The following KMT2A variants were observed in gnomAD, a reference collection of about 807,000 sequenced individuals.
KMT2A encodes the protein lysine methyltransferase 2A.
A neutral mutation model predicts 345.3 loss-of-function variants in KMT2A; 16 were observed. That is an observed-to-expected ratio of 0.05 (90% CI 0.03 to 0.07). The LOEUF is 0.07. KMT2A is among the 10% of genes least tolerant of loss of function. The probability of loss-of-function intolerance (pLI) is 1.00; values close to 1 mark genes in which losing one functional copy is unlikely to be tolerated. For synonymous variants in KMT2A, 1,599 were observed against 1,778.6 expected (o/e 0.90, Z 2.54); for missense variants, 3,272 against 4,841.6 (o/e 0.68, Z 9.62).
chr11:118,447,805 G>A (rs1292595169), intron 1 of KMT2A: 1 of 241,668 alleles, frequency 4.1e-6, no homozygotes, highest in Non-Finnish European at 8.6e-6. Flanking sequence ...GTAACCAGCG[G>A]TTTCCCAGCT....
chr11:118,471,517 A>G (rs1169076560), intron 2 of KMT2A, 145 bp from the exon 3 acceptor site: 4 of 448,210 alleles, frequency 8.9e-6, no homozygotes, highest in African/African-American at 6.1e-5. Context: ...AAAAGAAACT[A>G]AGCACAATTA....
intron 1 of KMT2A, chr11:118,458,318 G>A (rs1312147168): frequency 5.5e-6 from 1 of 182,744 alleles, no homozygotes; most frequent in African/African-American, 2.4e-5. Context: ...ACAACTCCTG[G>A]GCTCAAGCCA....
At chr11:118,456,200 A>G (rs1212027344) in intron 1 of KMT2A, among the ~76,000 whole-genome samples, 1 of 152,034 alleles carries the variant, frequency 6.6e-6, no homozygotes, top group Non-Finnish European at 1.5e-5. Flanking sequence ...TCAGAGCTGC[A>G]TTCTTTAAAA....
At chr11:118,488,787 G>C (rs1277668002) in intron 11 of KMT2A, 27 bp downstream of exon 11, 1 of 1,610,852 alleles carries the variant, frequency 6.2e-7, no homozygotes, top group African/African-American at 1.3e-5. Flanking sequence ...TAGAACTACA[G>C]CTGGGCCTCT....
Position 118,491,923 on chromosome 11 carries a change from C to T in KMT2A, c.4999C>T (p.Arg1667Trp), listed in dbSNP as rs1555042614. 6 of 1,611,812 alleles carry T rather than the reference C, an allele frequency of 3.7e-6. No homozygotes were observed. Among genetic ancestry groups the T allele is most frequent in the Non-Finnish European group, 5.1e-6 (6 of 1,178,824 alleles). Residue 1667 changes from arginine (R) to tryptophan (W), a missense_variant, in exon 15 of 36, where the codon CGG becomes TGG. This residue lies in a region of KMT2A where 66 missense variants were observed against 80.1 expected (regional missense o/e 0.82). Transcript: ENST00000534358. The surrounding 1 kb of genome is among the most constrained non-coding windows in gnomAD (Gnocchi z 4.2). Reference protein sequence around the residue: ...SRTTSHLLRYRQAAKPPDLNP... With the variant: ...SRTTSHLLRYWQAAKPPDLNP... ...GACTACCAGCCATTTGCTACGCTAC[C>T]GGCAGGTAGGCCAAGTCTCATTTTT...
At chr11:118,492,691 A>T (rs1950345190) in intron 15 of KMT2A, among the ~76,000 whole-genome samples, 1 of 152,184 alleles carries the variant, frequency 6.6e-6, no homozygotes. Flanking sequence ...AACAAAAAAA[A>T]GAAGAAGAAC....
In KMT2A at chr11:118,481,791, G is replaced by A. The variant is rs782785261; in HGVS notation, c.3711G>A (p.Val1237=). The change falls in exon 7 of 36, where the codon GTG becomes GTA. Residue 1237 remains valine (V), a synonymous_variant. Coordinates refer to ENST00000534358, the MANE Select transcript of KMT2A (RefSeq NM_001197104.2). Reference sequence around the variant, plus strand: ...AAGAGAGCAGTGTTGTGAAGAACGTGGTGGACTCTAGTCAGAAACCTACCC... The same window carrying A: ...AAGAGAGCAGTGTTGTGAAGAACGTAGTGGACTCTAGTCAGAAACCTACCC... ...DSKESSVVKN[V]VDSSQKPTPS... 9 of 1,614,182 alleles carry A rather than the reference G, an allele frequency of 5.6e-6. No homozygotes were observed. The South Asian group carries it at 9.9e-5, about 18-fold the overall frequency.
chr11:118,510,490 C>T lies in KMT2A; in HGVS notation c.11071+372C>T, dbSNP rs1950664552. 6.6e-6 allele frequency among the ~76,000 whole-genome samples: 1 copy of T among 152,096 alleles called. No homozygotes were observed. On this transcript the variant is annotated intron_variant, in intron 30 of 35. Coordinates refer to ENST00000534358, the MANE Select transcript of KMT2A (RefSeq NM_001197104.2). This position sits in a 1 kb window ranked among gnomAD's most constrained non-coding sequence, Gnocchi z 4.1. ...CTGCCTGGAGTTCTCTCCCTGCCCT[C>T]AATCACCTGGTGAGCTCCAGCTCAC...
chr11:118,474,064 C>G lies in KMT2A; in HGVS notation c.2905C>G (p.Leu969Val), dbSNP rs864309568. ...ACTTATAAAGAAAGGGAGAGGAAAT[C>G]TGGAAAAAACCAACTTGGACCTCGG... ...KILIKKGRGNLEKTNLDLGPT... is the reference protein window; with the variant it reads ...KILIKKGRGNVEKTNLDLGPT... The change falls in exon 3 of 36, where the codon CTG becomes GTG. Residue 969 changes from leucine (L) to valine (V), a missense_variant. Physicochemically the swap from Leu to Val is conservative, Grantham distance 32 (BLOSUM62 1). Transcript: ENST00000534358. The G allele has an allele frequency of 1.2e-6, 2 of 1,613,730 alleles. No individual in the cohort carries two copies. The highest frequency in any genetic ancestry group is 1.1e-5 in the South Asian group (1 of 91,074).
At chr11:118,506,701 T>C in intron 27 of KMT2A, 55 bp downstream of exon 27, 1 of 1,497,748 alleles carries the variant, frequency 6.7e-7, no homozygotes, top group East Asian at 2.3e-5. Flanking sequence ...TGTTGTAAAT[T>C]AGGGGCTGTT....
intron 6 of KMT2A, 63 bp downstream of exon 6, chr11:118,480,301 C>A: frequency 8.1e-7 from 1 of 1,234,772 alleles, no homozygotes; most frequent in Non-Finnish European, 1.2e-6. Context: ...TAGTTGTATA[C>A]ACCCAGTAGA....
At chr11:118,485,427 G>A (rs1950210764) in intron 10 of KMT2A, among the ~76,000 whole-genome samples, 1 of 152,144 alleles carries the variant, frequency 6.6e-6, no homozygotes. Context: ...ATAAATACAT[G>A]TTGGGTGGCA....
In KMT2A at chr11:118,471,979, A is replaced by G. The variant is rs1949950464; in HGVS notation, c.820A>G (p.Arg274Gly). The G allele has an allele frequency of 6.2e-7, 1 of 1,614,046 alleles. No homozygotes were observed. The highest frequency in any genetic ancestry group is 8.5e-7 in the Non-Finnish European group (1 of 1,180,044). The change falls in exon 3 of 36, where the codon AGA becomes GGA. Residue 274 changes from arginine (R) to glycine (G), a missense_variant. This residue lies in a region of KMT2A where 412 missense variants were observed against 511.0 expected (regional missense o/e 0.81). Coordinates refer to ENST00000534358, the MANE Select transcript of KMT2A (RefSeq NM_001197104.2). ...GCAAGCCACAAAGATTAAAAAATTA[A>G]GAGCAGGTAAACTCTCTCCTCTCAA... The part of the protein sequence containing the change: ...FQQATKIKKL[R>G]AGKLSPLKSK...
chr11:118,520,467 A>G lies in KMT2A; in HGVS notation c.11430-335A>G, dbSNP rs1298093016. The G allele has an allele frequency of 3.2e-5, 11 of 345,212 alleles. 1 individual carries two copies. The East Asian group carries it at 5.7e-4, about 18-fold the overall frequency. The allele number at this position is 345,212 out of a possible 1,614,324, so 21.4% of individuals were successfully genotyped here. A position where few individuals can be genotyped will look rare whatever the true frequency, so the allele number is the denominator to read the frequency against. ...GGAGTTCGAGACCAGCCTGACCAAC[A>G]TAGTGAAACCCTATCTCTACTAAAA... On this transcript the variant is annotated intron_variant, in intron 33 of 35. Transcript: ENST00000534358. The surrounding 1 kb of genome is among the most constrained non-coding windows in gnomAD (Gnocchi z 4.3).
Position 118,504,959 on chromosome 11 carries a change from C to A in KMT2A, c.9067C>A (p.Gln3023Lys), listed in dbSNP as rs1950556226. Residue 3023 changes from glutamine to lysine, a missense_variant, in exon 27 of 36, where the codon CAG (glutamine) becomes AAG (lysine). Gln to Lys is a moderately conservative substitution (Grantham distance 53). Transcript: ENST00000534358. This position sits in a 1 kb window ranked among gnomAD's most constrained non-coding sequence, Gnocchi z 6.4. ...GSVEQGHGNN[Q>K]DLTRNSSTPG... ...AGTAGAGCAAGGTCATGGCAACAATCAGGATTTAACTAGGAACAGTAGCAC... is the reference window on the plus strand; with the variant it reads ...AGTAGAGCAAGGTCATGGCAACAATAAGGATTTAACTAGGAACAGTAGCAC... 6.2e-7 allele frequency: 1 copy of A among 1,614,064 alleles called. No homozygotes were observed.
rs140033934 is a variant in KMT2A, at chr11:118,488,670, C to A, written c.4389C>A (p.Asn1463Lys). The A allele has an allele frequency of 1.2e-6, 2 of 1,614,002 alleles. No individual in the cohort carries two copies. The highest frequency in any genetic ancestry group is 2.7e-5 in the African/African-American group (2 of 74,910). Residue 1463 changes from asparagine to lysine, a missense_variant, in exon 11 of 36, where the codon AAC becomes AAA. Asn to Lys is a moderately conservative substitution (Grantham distance 94). Transcript: ENST00000534358. ...EPFHKFCLEE[N>K]ERPLEDQLEN... The stretch of plus-strand genomic sequence containing the variant: ...TCCACAAGTTTTGTTTAGAGGAGAA[C>A]GAGCGCCCTCTGGAGGACCAGCTGG...
At chr11:118,440,507 CT>C (rs1258569245) in intron 1 of KMT2A, among the ~76,000 whole-genome samples, 1 of 152,160 alleles carries the variant, frequency 6.6e-6, no homozygotes, top group East Asian at 1.9e-4. Flanking sequence ...TAATAAACCC[CT>C]GAAACAGTGT....
In KMT2A at chr11:118,506,599, A is replaced by G. The variant is rs782728957; in HGVS notation, c.10707A>G (p.Glu3569=). The G allele has an allele frequency of 2.5e-6, 4 of 1,613,648 alleles. No homozygotes were observed. The South Asian group carries it at 3.3e-5, about 13-fold the overall frequency. Residue 3569 remains glutamate, a synonymous_variant, in exon 27 of 36, where the codon GAA becomes GAG. Transcript: ENST00000534358. ...KVSHLRTSSS[E]AHIPDQETTS... ...CCCATTTGCGGACCAGTTCTTCTGA[A>G]GCACACATTCCAGACCAAGAAACGA...
chr11:118,501,921 T>TA (rs1555045872), intron 26 of KMT2A, 64 bp downstream of exon 26: 201 of 1,335,642 alleles, frequency 1.5e-4, no homozygotes, highest in Non-Finnish European at 2.0e-4. Context: ...TTGTAATTCT[T>TA]TCAGGCAACT....
Sources: gnomAD v4.1 joint callset for allele counts (sites outside exome capture counted in the v4.1 genomes callset) on GRCh38, gnomAD v4.1.1 for gene constraint, gnomAD v4.1.1 regional missense constraint, Gnocchi (gnomAD v3.1) non-coding constraint, MANE v1.5 for transcripts, NCBI Gene and HGNC (gene_info 2026-07-23, HGNC 2026-07-21) for gene names.